Variants in EIF4G3 observed in about 807,000 individuals in gnomAD.
EIF4G3 encodes the protein eIF-4-gamma 3.
Under a neutral mutation model 186.4 loss-of-function variants are expected in EIF4G3, and 34 were observed. That is an observed-to-expected ratio of 0.18 (90% CI 0.14 to 0.24). The LOEUF (loss-of-function observed/expected upper bound fraction) is 0.24. Ranked by LOEUF, EIF4G3 falls within the 10% of genes least tolerant of loss-of-function variation. The probability of loss-of-function intolerance (pLI) is 1.00; values close to 1 mark genes in which losing one functional copy is unlikely to be tolerated. For synonymous variants in EIF4G3, 673 were observed against 679.5 expected, an observed-to-expected ratio of 0.99 and a Z score of 0.15; for missense variants, 1,536 against 1,948.5, an observed-to-expected ratio of 0.79 and a Z score of 3.99.
At chr1:21,162,678 G>A (rs2097786512) in intron 2 of EIF4G3, among the ~76,000 whole-genome samples, 1 of 152,088 alleles carries the variant, frequency 6.6e-6, no homozygotes, top group Non-Finnish European at 1.5e-5. Flanking sequence ...AACCTGGGAG[G>A]CAGAGGTTGC....
At chr1:20,893,742 G>A in intron 17 of EIF4G3, 106 bp from the exon 18 acceptor site, 1 of 1,318,792 alleles carries the variant, frequency 7.6e-7, no homozygotes, top group Middle Eastern at 2.3e-4. Context: ...GAAACGGTAA[G>A]CACCAGCTTT....
chr1:20,827,741 C>T (rs1373083167), intron 31 of EIF4G3, 43 bp from the exon 32 acceptor site: 4 of 1,359,342 alleles, frequency 2.9e-6, no homozygotes, highest in Non-Finnish European at 4.2e-6. Flanking sequence ...CTAAAGAAAT[C>T]CTTTCTTCTA....
intron 14 of EIF4G3, among the ~76,000 whole-genome samples, chr1:20,918,331 T>G (rs1404559552): frequency 6.6e-6 from 1 of 152,198 alleles, no homozygotes; most frequent in Non-Finnish European, 1.5e-5. Flanking sequence ...TGCTTTGGCC[T>G]CTTGAGTAGC....
intron 16 of EIF4G3, 146 bp downstream of exon 16, chr1:20,899,551 A>G (rs2089601057): frequency 1.0e-6 from 1 of 978,284 alleles, no homozygotes; most frequent in East Asian, 2.5e-5. Context: ...CTAGTCACTA[A>G]CTTGGGCTTG....
At chr1:21,109,929 T>C (rs545284082) in intron 2 of EIF4G3, among the ~76,000 whole-genome samples, 14 of 152,088 alleles carry the variant, frequency 9.2e-5, no homozygotes, top group African/African-American at 3.4e-4. Context: ...GGATTACAGG[T>C]GCATGCCACC....
chr1:20,811,272 C>A (rs1472105106), intron 35 of EIF4G3, among the ~76,000 whole-genome samples: 2 of 151,778 alleles, frequency 1.3e-5, no homozygotes, highest in African/African-American at 2.4e-5. Context: ...TCTTCTTCTT[C>A]TTCTATTTTA....
Position 21,119,737 on chromosome 1 carries a change from G to T in EIF4G3, c.-271-30524C>A, listed in dbSNP as rs1036516669. Among the ~76,000 whole-genome samples, 3 of 151,990 alleles carry T rather than the reference G, an allele frequency of 2.0e-5. No homozygotes were observed. In the South Asian group the frequency reaches 6.2e-4, roughly 31 times the overall value. The stretch of plus-strand genomic sequence containing the variant: ...ATTGTTAAAGAAAAACATTTATATA[G>T]TACGGAGGCTATAAAAGAGAAAGGA... On this transcript the variant is annotated intron_variant, in intron 2 of 36. Coordinates refer to ENST00000602326, the MANE Select transcript of EIF4G3 (RefSeq NM_001391906.1).
chr1:20,981,889 GACTC>G (rs974107707), intron 8 of EIF4G3, among the ~76,000 whole-genome samples: 2 of 151,994 alleles, frequency 1.3e-5, no homozygotes, highest in Non-Finnish European at 2.9e-5. Context: ...TAAAAGAACT[GACTC>G]TGATAAAGAG....
chr1:20,900,033 G>A, intron 15 of EIF4G3, 90 bp from the exon 16 acceptor site: 1 of 1,279,938 alleles, frequency 7.8e-7, no homozygotes. Flanking sequence ...AAAAAGCAAA[G>A]GAAAACATGT....
At chr1:21,041,987 T>C (rs1170770352) in intron 4 of EIF4G3, among the ~76,000 whole-genome samples, 1 of 151,822 alleles carries the variant, frequency 6.6e-6, no homozygotes, top group Non-Finnish European at 1.5e-5. Flanking sequence ...TTCTTTTCTT[T>C]TCTTTTTTTT....
intron 4 of EIF4G3, among the ~76,000 whole-genome samples, chr1:21,046,117 C>T (rs2093872391): frequency 6.6e-6 from 1 of 152,180 alleles, no homozygotes; most frequent in Non-Finnish European, 1.5e-5. Context: ...CCAAAAGGTA[C>T]TTTTAAATTC....
At chr1:21,030,224 A>G (rs2092612088) in intron 4 of EIF4G3, among the ~76,000 whole-genome samples, 1 of 152,166 alleles carries the variant, frequency 6.6e-6, no homozygotes, top group Non-Finnish European at 1.5e-5. Context: ...CTCAGCTGAT[A>G]TGGTTTGGCT....
chr1:21,170,288 A>G (rs2097933079), intron 2 of EIF4G3, among the ~76,000 whole-genome samples: 1 of 152,202 alleles, frequency 6.6e-6, no homozygotes, highest in African/African-American at 2.4e-5. Context: ...TGAACAAAAT[A>G]AACAAAAATC....
chr1:20,899,379 T>G (rs558799888), intron 16 of EIF4G3, among the ~76,000 whole-genome samples: 1 of 152,212 alleles, frequency 6.6e-6, no homozygotes, highest in African/African-American at 2.4e-5. Flanking sequence ...AATATCTCTA[T>G]ATCCCTTTCA....
chr1:21,069,141 G>A (rs1433109429), intron 3 of EIF4G3, among the ~76,000 whole-genome samples: 1 of 152,052 alleles, frequency 6.6e-6, no homozygotes, highest in Non-Finnish European at 1.5e-5. Flanking sequence ...CACCTCAAAG[G>A]CTTTAACTGA....
intron 14 of EIF4G3, among the ~76,000 whole-genome samples, chr1:20,925,627 G>A (rs2094830820): frequency 6.6e-6 from 1 of 152,136 alleles, no homozygotes; most frequent in Admixed American, 6.5e-5. Flanking sequence ...TCGAACTCCT[G>A]GGCTCAAGCA....
chr1:20,831,278 A>ATTT (rs35154451), intron 30 of EIF4G3, among the ~76,000 whole-genome samples: 5 of 143,018 alleles, frequency 3.5e-5, no homozygotes, highest in East Asian at 2.1e-4. Context: ...AAAAATATTA[A>ATTT]TTTTTTTTTT....
intron 24 of EIF4G3, among the ~76,000 whole-genome samples, chr1:20,858,037 C>CA (rs2075442456): frequency 6.6e-6 from 1 of 152,120 alleles, no homozygotes; most frequent in Admixed American, 6.6e-5. Flanking sequence ...AATCTACTAC[C>CA]AACATTAGCA....
intron 2 of EIF4G3, among the ~76,000 whole-genome samples, chr1:21,155,137 C>G (rs1045152382): frequency 7.2e-5 from 11 of 151,730 alleles, no homozygotes; most frequent in Non-Finnish European, 1.6e-4. Flanking sequence ...GTGGCAGGTG[C>G]CTGTAATCTC....
Sources: gnomAD v4.1 joint callset for allele counts (sites outside exome capture counted in the v4.1 genomes callset) on GRCh38, gnomAD v4.1.1 for gene constraint, MANE v1.5 for transcripts, NCBI Gene and HGNC (gene_info 2026-07-23, HGNC 2026-07-21) for gene names.